Variants in KCNB2 observed in about 807,000 individuals in gnomAD.
The protein encoded by KCNB2 is delayed rectifier potassium channel protein.
In KCNB2, 15 loss-of-function variants were observed where a neutral mutation model predicts 61.5. The observed-to-expected ratio is 0.24, with a 90% CI of 0.16 to 0.38. KCNB2 has a LOEUF of 0.38. KCNB2 is among the 10% of genes least tolerant of loss of function. KCNB2 has a pLI of 1.00. For missense variants in KCNB2, 828 were observed against 1,125.2 expected, an observed-to-expected ratio of 0.74 and a Z score of 3.78; for synonymous variants, 457 against 446.0, an observed-to-expected ratio of 1.02 and a Z score of -0.31.
intron 2 of KCNB2, among the ~76,000 whole-genome samples, chr8:72,615,955 A>G (rs1169013736): frequency 1.3e-5 from 2 of 152,236 alleles, no homozygotes; most frequent in Non-Finnish European, 2.9e-5. Context: ...AGTTGAGCAG[A>G]AAATAATTTA....
chr8:72,636,396 C>T (rs1322562995), intron 2 of KCNB2, among the ~76,000 whole-genome samples: 1 of 152,096 alleles, frequency 6.6e-6, no homozygotes, highest in Non-Finnish European at 1.5e-5. Context: ...AATCTATTTG[C>T]AGACAAGTGT....
chr8:72,697,125 C>A (rs2256012), intron 2 of KCNB2, among the ~76,000 whole-genome samples: 125,327 of 152,144 alleles, frequency 0.82, 52,238 homozygotes, highest in East Asian at 0.95. Context: ...TATAATCAAA[C>A]TAAACAGACT....
intron 2 of KCNB2, among the ~76,000 whole-genome samples, chr8:72,830,511 G>A (rs1809677391): frequency 6.6e-6 from 1 of 152,162 alleles, no homozygotes; most frequent in South Asian, 2.1e-4. Flanking sequence ...TGCTTGTCGA[G>A]TTCTCATTAC....
intron 2 of KCNB2, among the ~76,000 whole-genome samples, chr8:72,784,254 C>A (rs1380304792): frequency 6.6e-6 from 1 of 152,094 alleles, no homozygotes; most frequent in Non-Finnish European, 1.5e-5. Flanking sequence ...GCTCCCCAAC[C>A]ACCACCCACA....
At chr8:72,644,939 A>T (rs1337486048) in intron 2 of KCNB2, among the ~76,000 whole-genome samples, 3 of 152,210 alleles carry the variant, frequency 2.0e-5, no homozygotes, top group African/African-American at 7.2e-5. Context: ...GCTTTCCAGT[A>T]TTCCAGGAGT....
chr8:72,748,915 C>A (rs1413930419), intron 2 of KCNB2, among the ~76,000 whole-genome samples: 1 of 151,930 alleles, frequency 6.6e-6, no homozygotes, highest in Non-Finnish European at 1.5e-5. Flanking sequence ...TTGCTATTAA[C>A]CACAGTCACC....
chr8:72,746,915 T>C (rs1337792547), intron 2 of KCNB2, among the ~76,000 whole-genome samples: 1 of 152,198 alleles, frequency 6.6e-6, no homozygotes, highest in Non-Finnish European at 1.5e-5. Flanking sequence ...CTTCTCACTA[T>C]TCCAGTTCAT....
chr8:72,707,407 C>T (rs987806092), intron 2 of KCNB2, among the ~76,000 whole-genome samples: 8 of 152,182 alleles, frequency 5.3e-5, no homozygotes, highest in East Asian at 1.9e-4. Flanking sequence ...TCTCCTTTAA[C>T]GACCTGATCA....
intron 2 of KCNB2, among the ~76,000 whole-genome samples, chr8:72,719,331 T>G (rs1807506640): frequency 6.6e-6 from 1 of 152,210 alleles, no homozygotes; most frequent in Non-Finnish European, 1.5e-5. Context: ...TGGGAAGATA[T>G]GGCCCTGCTC....
At chr8:72,660,765 T>C (rs1280984833) in intron 2 of KCNB2, 1 of 152,204 alleles carries the variant, frequency 6.6e-6, no homozygotes, top group Non-Finnish European at 1.5e-5. Flanking sequence ...GATCTTGTCA[T>C]CAGTTTTGGA....
chr8:72,580,565 C>A (rs1431654), intron 2 of KCNB2, among the ~76,000 whole-genome samples: 2 of 152,222 alleles, frequency 1.3e-5, no homozygotes, highest in Admixed American at 6.5e-5. Flanking sequence ...TAAATTCCAC[C>A]CTAAATATTT....
intron 2 of KCNB2, among the ~76,000 whole-genome samples, chr8:72,633,316 T>C (rs993107597): frequency 6.6e-6 from 1 of 152,150 alleles, no homozygotes; most frequent in African/African-American, 2.4e-5. Flanking sequence ...ATGCTTCAGA[T>C]CTTCTCATGA....
intron 2 of KCNB2, among the ~76,000 whole-genome samples, chr8:72,773,259 C>G (rs1808590661): frequency 6.6e-6 from 1 of 152,178 alleles, no homozygotes; most frequent in East Asian, 1.9e-4. Flanking sequence ...GAAAACTCAC[C>G]CAGCCTGCTT....
chr8:72,745,090 T>C (rs1808035506), intron 2 of KCNB2, among the ~76,000 whole-genome samples: 1 of 152,180 alleles, frequency 6.6e-6, no homozygotes, highest in African/African-American at 2.4e-5. Flanking sequence ...GAATTAAATG[T>C]GCATGTTGGG....
chr8:72,692,194 C>T (rs1008741550), intron 2 of KCNB2, among the ~76,000 whole-genome samples: 1 of 145,394 alleles, frequency 6.9e-6, no homozygotes, highest in Non-Finnish European at 1.5e-5. Context: ...CGAGATCATG[C>T]CACTGCACTC....
chr8:72,935,485 C>T (rs773520657), intron 2 of KCNB2, among the ~76,000 whole-genome samples: 6 of 152,154 alleles, frequency 3.9e-5, no homozygotes, highest in Admixed American at 6.5e-5. Context: ...CTCCAGGTGT[C>T]GGTCTGAGTT....
intron 2 of KCNB2, among the ~76,000 whole-genome samples, chr8:72,683,166 G>A (rs1407914698): frequency 2.6e-5 from 4 of 152,276 alleles, no homozygotes; most frequent in South Asian, 2.1e-4. Context: ...GAAATATGAC[G>A]TAAACAGCAG....
At chr8:72,638,584 T>C (rs1390870624) in intron 2 of KCNB2, among the ~76,000 whole-genome samples, 1 of 152,164 alleles carries the variant, frequency 6.6e-6, no homozygotes, top group Non-Finnish European at 1.5e-5. Context: ...ATTTTTAAGC[T>C]GGCCATAAAG....
intron 2 of KCNB2, among the ~76,000 whole-genome samples, chr8:72,913,813 A>G (rs1806343308): frequency 6.6e-6 from 1 of 152,206 alleles, no homozygotes; most frequent in Non-Finnish European, 1.5e-5. Context: ...TCCAGATATG[A>G]CACTTTTCAA....
Sources: gnomAD v4.1 joint callset for allele counts (sites outside exome capture counted in the v4.1 genomes callset) on GRCh38, gnomAD v4.1.1 for gene constraint, MANE v1.5 for transcripts, NCBI Gene and HGNC (gene_info 2026-07-23, HGNC 2026-07-21) for gene names.